GABRR2: variants seen among roughly 807,000 people sequenced by gnomAD.
The protein encoded by GABRR2 is gamma-aminobutyric acid receptor subunit rho-2.
In GABRR2, 36 loss-of-function variants were observed where a neutral mutation model predicts 47.0. That is an observed-to-expected ratio of 0.77 (90% CI 0.59 to 1.01). The LOEUF is 1.01. Ranked by LOEUF, GABRR2 falls within the 50% of genes least tolerant of loss-of-function variation. GABRR2 has a pLI of 0.00. For missense variants in GABRR2, 587 were observed against 594.6 expected, an observed-to-expected ratio of 0.99 and a Z score of 0.13; for synonymous variants, 204 against 227.5, an observed-to-expected ratio of 0.90 and a Z score of 0.93.
At chr6:89,268,537 G>A (rs1050990410) in intron 4 of GABRR2, among the ~76,000 whole-genome samples, 3 of 151,918 alleles carry the variant, frequency 2.0e-5, no homozygotes, top group Non-Finnish European at 2.9e-5. Flanking sequence ...CTTCATCAGT[G>A]ACAAGTAAGA....
chr6:89,279,929 T>C (rs1033384887), intron 2 of GABRR2, among the ~76,000 whole-genome samples: 6 of 152,068 alleles, frequency 3.9e-5, no homozygotes, highest in African/African-American at 1.4e-4. Context: ...AGTTACACTG[T>C]CTGGCTGTGG....
At chr6:89,305,203 A>T (rs995241632) in intron 1 of GABRR2, among the ~76,000 whole-genome samples, 1 of 152,148 alleles carries the variant, frequency 6.6e-6, no homozygotes, top group East Asian at 1.9e-4. Flanking sequence ...AAAACTACAG[A>T]AATGAGCTGG....
chr6:89,300,675 T>C (rs1444248229), intron 1 of GABRR2, among the ~76,000 whole-genome samples: 2 of 146,954 alleles, frequency 1.4e-5, no homozygotes, highest in African/African-American at 5.1e-5. Flanking sequence ...CAGGAAGAAA[T>C]TGATTCCTTG....
chr6:89,271,359 G>A (rs1000838118), intron 3 of GABRR2, among the ~76,000 whole-genome samples: 6 of 152,138 alleles, frequency 3.9e-5, no homozygotes, highest in Non-Finnish European at 7.4e-5. Flanking sequence ...GGTGTGGTTC[G>A]CCTGATCACT....
chr6:89,307,789 C>T (rs1467856375), intron 1 of GABRR2, among the ~76,000 whole-genome samples: 1 of 151,422 alleles, frequency 6.6e-6, no homozygotes, highest in Non-Finnish European at 1.5e-5. Context: ...CTATTTTCCT[C>T]CCTGTTCTTG....
chr6:89,311,397 GTTTT>G, intron 1 of GABRR2, among the ~76,000 whole-genome samples: 1 of 152,252 alleles, frequency 6.6e-6, no homozygotes, highest in East Asian at 1.9e-4. Flanking sequence ...AGGGCCCAGA[GTTTT>G]TTTAAGAGAT....
At position 89,255,081 on chromosome 6, in the gene GABRR2, T is replaced by A. The variant is rs190910294; in HGVS notation, c.*2589A>T. Among the ~76,000 whole-genome samples the A allele has an allele frequency of 6.6e-6, 1 of 152,354 alleles. No individual in the cohort carries two copies. The highest frequency in any genetic ancestry group is 2.4e-5 in the African/African-American group (1 of 41,586). On this transcript the variant is annotated 3_prime_UTR_variant, in exon 9 of 9. Transcript: ENST00000402938. ...CTTACAAGCAAAGCAATATGATATATTTAATGACAATAGAATTATCATTCT... is the reference window on the plus strand; with the variant it reads ...CTTACAAGCAAAGCAATATGATATAATTAATGACAATAGAATTATCATTCT...
intron 2 of GABRR2, among the ~76,000 whole-genome samples, chr6:89,287,446 G>A (rs9451195): frequency 0.015 from 2,282 of 152,338 alleles, 60 homozygotes; most frequent in African/African-American, 0.05. Context: ...GCCAGGAGCT[G>A]TGTCGAGAAG....
Position 89,268,017 on chromosome 6 carries a change from T to A in GABRR2, c.592A>T (p.Ser198Cys). Reference sequence around the variant, plus strand: ...AATTAGGAATGCTGATACTTACAGCTCTCCAGCTCCAAAGAACAGGTCTGG... The same window carrying A: ...AATTAGGAATGCTGATACTTACAGCACTCCAGCTCCAAAGAACAGGTCTGG... Reference protein sequence around the residue: ...DSQTCSLELESYAYTDEDLML... With the variant: ...DSQTCSLELECYAYTDEDLML... The change falls in exon 5 of 9, where the codon AGC (serine) becomes TGC (cysteine). Residue 198 changes from serine to cysteine, a missense_variant. Transcript: ENST00000402938. The A allele has an allele frequency of 6.2e-7, 1 of 1,610,838 alleles. No homozygotes were observed. The highest frequency in any genetic ancestry group is 8.5e-7 in the Non-Finnish European group (1 of 1,178,058).
chr6:89,283,944 A>G (rs1309483987), intron 2 of GABRR2, among the ~76,000 whole-genome samples: 1 of 152,206 alleles, frequency 6.6e-6, no homozygotes, highest in Non-Finnish European at 1.5e-5. Context: ...TCTGAGTAGC[A>G]CCATAATTAC....
chr6:89,261,071 A>T (rs9451190), intron 8 of GABRR2, among the ~76,000 whole-genome samples: 17,995 of 152,198 alleles, frequency 0.12, 1,331 homozygotes, highest in African/African-American at 0.21. Flanking sequence ...TTGTCTCTTT[A>T]AACAAAGTCA....
At position 89,266,877 on chromosome 6, in the gene GABRR2, A is replaced by G. The variant is rs527308071; in HGVS notation, c.736+802T>C. On this transcript the variant is annotated intron_variant, in intron 6 of 8. Transcript: ENST00000402938. ...GCTCTATTGCCCAGGCTGGAGTGCA[A>G]TGGCACAATCATAGCTCACTGCAGC... is the stretch of plus-strand genomic sequence containing the variant. 3.0e-3 allele frequency among the ~76,000 whole-genome samples: 450 copies of G among 150,890 alleles called. 3 individuals carry two copies. Among genetic ancestry groups the G allele is most frequent in the African/African-American group, 0.011 (430 of 40,350 alleles).
intron 2 of GABRR2, among the ~76,000 whole-genome samples, chr6:89,287,833 C>T (rs1487727447): frequency 2.6e-5 from 4 of 152,230 alleles, no homozygotes; most frequent in African/African-American, 4.8e-5. Context: ...CTGAGCACTT[C>T]CTATATGCCA....
chr6:89,307,327 G>A (rs1767585681), intron 1 of GABRR2, among the ~76,000 whole-genome samples: 1 of 152,232 alleles, frequency 6.6e-6, no homozygotes, highest in South Asian at 2.1e-4. Context: ...TTTAGATCTT[G>A]GAATACCTTA....
chr6:89,301,319 C>T (rs1392069887), intron 1 of GABRR2, among the ~76,000 whole-genome samples: 3 of 152,096 alleles, frequency 2.0e-5, no homozygotes, highest in Non-Finnish European at 4.4e-5. Flanking sequence ...CAGCACAAGA[C>T]AAGGGTGCCC....
chr6:89,301,497 C>A (rs1767438622), intron 1 of GABRR2, among the ~76,000 whole-genome samples: 1 of 152,090 alleles, frequency 6.6e-6, no homozygotes, highest in Non-Finnish European at 1.5e-5. Flanking sequence ...CCAAAAGCTC[C>A]TTCAGGTGAT....
In GABRR2 at chr6:89,315,271, T is replaced by C; in HGVS notation, c.-106A>G. 6.3e-7 allele frequency: 1 copy of C among 1,584,694 alleles called. No individual in the cohort carries two copies. The highest frequency in any genetic ancestry group is 8.6e-7 in the Non-Finnish European group (1 of 1,164,106). The stretch of plus-strand genomic sequence containing the variant: ...CATCTGCTGCCTCCTGACGGGCTGC[T>C]CTGAGGGGCTGTGAGGGCAAGGCTG... On this transcript the variant is annotated 5_prime_UTR_variant, in exon 1 of 9. Transcript: ENST00000402938.
At chr6:89,287,852 G>A (rs912879211) in intron 2 of GABRR2, among the ~76,000 whole-genome samples, 4 of 152,192 alleles carry the variant, frequency 2.6e-5, no homozygotes, top group Non-Finnish European at 5.9e-5. Context: ...CATGTACTGT[G>A]CTAGAGACAT....
intron 2 of GABRR2, among the ~76,000 whole-genome samples, chr6:89,282,323 G>T (rs1774265712): frequency 6.6e-6 from 1 of 152,112 alleles, no homozygotes. Flanking sequence ...GCTCCCCAGG[G>T]GTTGGGCTTG....
Sources: allele counts gnomAD v4.1 joint callset (sites outside exome capture counted in the v4.1 genomes callset), GRCh38; gene constraint gnomAD v4.1.1; transcripts MANE v1.5; gene names NCBI Gene and HGNC (gene_info 2026-07-23, HGNC 2026-07-21).